Variants in EXD3 observed in about 807,000 individuals in gnomAD.
EXD3 encodes the protein exonuclease mut-7 homolog.
EXD3 carries 92 observed loss-of-function variants against 98.0 expected under a neutral mutation model. The observed-to-expected ratio is 0.94, with a 90% CI of 0.79 to 1.12. The LOEUF is 1.12. Ranked by LOEUF, EXD3 falls within the 50% of genes most tolerant of loss-of-function variation. The pLI is 0.00. For missense variants in EXD3, 1,222 were observed against 1,191.6 expected, an observed-to-expected ratio of 1.03 and a Z score of -0.38; for synonymous variants, 569 against 526.0, an observed-to-expected ratio of 1.08 and a Z score of -1.12.
chr9:137,422,150 C>T (rs1455282697), intron 1 of EXD3, among the ~76,000 whole-genome samples: 2 of 151,034 alleles, frequency 1.3e-5, no homozygotes, highest in Non-Finnish European at 2.9e-5. Flanking sequence ...TGAAATGTCT[C>T]CTCCTTCCCT....
intron 20 of EXD3, among the ~76,000 whole-genome samples, chr9:137,308,372 G>C (rs1409735619): frequency 3.9e-5 from 6 of 152,136 alleles, no homozygotes; most frequent in Non-Finnish European, 7.4e-5. Context: ...AGGAGGCCAT[G>C]ACCCTCATCT....
intron 5 of EXD3, among the ~76,000 whole-genome samples, chr9:137,368,409 G>A (rs913160701): frequency 1.3e-5 from 2 of 152,184 alleles, no homozygotes; most frequent in East Asian, 1.9e-4. Flanking sequence ...TGCAGTGGAC[G>A]GGCCAAGGCT....
At chr9:137,307,788 G>A (rs1831125982) in intron 20 of EXD3, 142 bp from the exon 21 acceptor site, 2 of 911,780 alleles carry the variant, frequency 2.2e-6, no homozygotes, top group Admixed American at 4.8e-5. Flanking sequence ...AGCCTTCGCA[G>A]ACGGGCAGAG....
chr9:137,410,758 CCTGA>C (rs1275227506), intron 1 of EXD3, among the ~76,000 whole-genome samples: 1 of 152,172 alleles, frequency 6.6e-6, no homozygotes, highest in Non-Finnish European at 1.5e-5. Context: ...GGGGGACGTG[CCTGA>C]CTCACTGTGG....
chr9:137,307,483 G>A, intron 21 of EXD3, 125 bp downstream of exon 21: 1 of 1,349,286 alleles, frequency 7.4e-7, no homozygotes, highest in Non-Finnish European at 1.0e-6. Context: ...AGGCCCTAGG[G>A]CCTACAGGAG....
intron 1 of EXD3, among the ~76,000 whole-genome samples, chr9:137,415,163 C>T (rs112660401): frequency 3.0e-4 from 46 of 151,272 alleles, no homozygotes; most frequent in Non-Finnish European, 6.5e-4. Context: ...GCTGGGATTA[C>T]AGGCGTGAGC....
In EXD3 at chr9:137,354,767, C is replaced by T; in HGVS notation, c.764G>A (p.Cys255Tyr). 1 of 1,609,612 alleles carries T rather than the reference C, an allele frequency of 6.2e-7. No individual in the cohort carries two copies. Among genetic ancestry groups the T allele is most frequent in the South Asian group, 1.1e-5 (1 of 90,962 alleles). The stretch of plus-strand genomic sequence containing the variant: ...GCGCTGCTGAATGGCCGCGTTGGGA[C>T]ACAGCGCTGAAAGGAAAGGCCAGCT... Reference protein sequence around the residue: ...QERYGVAPALCPNAAIQQRLA... With the variant: ...QERYGVAPALYPNAAIQQRLA... Residue 255 changes from cysteine to tyrosine, a missense_variant, in exon 9 of 22, where the codon TGT (cysteine) becomes TAT (tyrosine). By Grantham distance (194) the Cys-to-Tyr change is radical (BLOSUM62 -2). Coordinates refer to ENST00000340951, the MANE Select transcript of EXD3 (RefSeq NM_017820.5).
chr9:137,329,758 T>C (rs1588270661), intron 17 of EXD3, among the ~76,000 whole-genome samples: 1 of 39,350 alleles, frequency 2.5e-5, no homozygotes, highest in Non-Finnish European at 4.5e-5. Flanking sequence ...TACACGGGAC[T>C]ACACGGGGTC....
chr9:137,356,831 C>T (rs1834814434), intron 7 of EXD3, among the ~76,000 whole-genome samples: 1 of 152,186 alleles, frequency 6.6e-6, no homozygotes, highest in South Asian at 2.1e-4. Context: ...TTGGCTCCTC[C>T]TGCCCCTCCA....
intron 17 of EXD3, among the ~76,000 whole-genome samples, chr9:137,325,934 A>T (rs1832376003): frequency 6.6e-6 from 1 of 152,036 alleles, no homozygotes; most frequent in South Asian, 2.1e-4. Flanking sequence ...TGCAATAAAT[A>T]AAAAAACTAG....
At chr9:137,352,539 ACTG>A in intron 11 of EXD3, 78 bp downstream of exon 11, 1 of 1,317,622 alleles carries the variant, frequency 7.6e-7, no homozygotes, top group South Asian at 1.5e-5. Context: ...TGGCGTGAAG[ACTG>A]GTGAGCTGTC....
chr9:137,403,570 GC>G lies in EXD3; in HGVS notation c.-47-8167del, dbSNP rs1224845008. Among the ~76,000 whole-genome samples the G allele has an allele frequency of 1.5e-5, 2 of 132,170 alleles. No individual in the cohort carries two copies. Among genetic ancestry groups the G allele is most frequent in the Non-Finnish European group, 3.3e-5 (2 of 59,782 alleles). 86.7% of individuals were successfully genotyped at this position (132,170 alleles called of 152,430 possible). On this transcript the variant is annotated intron_variant, in intron 1 of 21. Coordinates refer to ENST00000340951, the MANE Select transcript of EXD3 (RefSeq NM_017820.5). The surrounding 1 kb of genome is among the most constrained non-coding windows in gnomAD (Gnocchi z 6.1). ...AGGAAACCTGGGCCTCCATTCCCGA[GC>G]CCCCCAGTTTTCGCCTCTCTCCTTC...
chr9:137,327,559 T>A (rs1053391986), intron 17 of EXD3, among the ~76,000 whole-genome samples: 1 of 152,156 alleles, frequency 6.6e-6, no homozygotes, highest in Non-Finnish European at 1.5e-5. Context: ...CAATTTCGTG[T>A]TATGTATGTT....
At position 137,349,166 on chromosome 9, in the gene EXD3, CT is replaced by C. The variant is rs747346481; in HGVS notation, c.1773del (p.Ala593HisfsTer84). The part of the protein sequence containing the change: ...GSRRPRHRER[P>X]GARKPPGLQK... ...TGCAGGCCGGGTGGCTTCCGTGCCC[CT>C]GGTCTCTCTCTGTGCCTGGGCCTCC... On this transcript the variant is annotated frameshift_variant, in exon 16 of 22. Coordinates refer to ENST00000340951, the MANE Select transcript of EXD3 (RefSeq NM_017820.5). LOFTEE classifies it high-confidence loss of function. The surrounding 1 kb of genome is among the most constrained non-coding windows in gnomAD (Gnocchi z 7.4). 19 of 1,594,930 alleles carry C rather than the reference CT, an allele frequency of 1.2e-5. No individual in the cohort carries two copies. The highest frequency in any genetic ancestry group is 6.7e-5 in the South Asian group (6 of 89,722).
At chr9:137,372,883 C>T in intron 5 of EXD3, 22 bp downstream of exon 5, 1 of 1,596,094 alleles carries the variant, frequency 6.3e-7, no homozygotes, top group East Asian at 2.2e-5. Flanking sequence ...TCCCCATGAG[C>T]CCGGCCACGT....
intron 21 of EXD3, 89 bp downstream of exon 21, chr9:137,307,519 C>T (rs899588269): frequency 3.0e-5 from 46 of 1,521,654 alleles, no homozygotes; most frequent in Admixed American, 5.7e-5. Context: ...TCTGCCCGGC[C>T]GGGACCCAAG....
At chr9:137,355,708 G>GAA (rs1371673737) in intron 8 of EXD3, among the ~76,000 whole-genome samples, 1 of 140,728 alleles carries the variant, frequency 7.1e-6, no homozygotes, top group African/African-American at 2.8e-5. Context: ...GAAGGAGGAA[G>GAA]GAGGAAGGAG....
intron 9 of EXD3, 151 bp downstream of exon 9, chr9:137,354,549 A>T: frequency 6.5e-7 from 1 of 1,536,610 alleles, no homozygotes; most frequent in Non-Finnish European, 8.7e-7. Context: ...CCCTTCACCC[A>T]GGCCTGGCCC....
chr9:137,351,915 G>A, intron 12 of EXD3, 151 bp downstream of exon 12: 1 of 973,254 alleles, frequency 1.0e-6, no homozygotes, highest in Non-Finnish European at 1.5e-6. Context: ...ACAGTGTGGG[G>A]AACGGCTGCC....
Sources: gnomAD v4.1 joint callset for allele counts (sites outside exome capture counted in the v4.1 genomes callset) on GRCh38, gnomAD v4.1.1 for gene constraint, Gnocchi (gnomAD v3.1) non-coding constraint, MANE v1.5 for transcripts, NCBI Gene and HGNC (gene_info 2026-07-23, HGNC 2026-07-21) for gene names.